RAB3B: variants seen among roughly 807,000 people sequenced by gnomAD.
RAB3B encodes the protein ras-related protein Rab-3B.
In RAB3B, 11 loss-of-function variants were observed where a neutral mutation model predicts 20.5. The observed-to-expected ratio is 0.54, with a 90% CI of 0.34 to 0.89. The LOEUF (loss-of-function observed/expected upper bound fraction) is 0.89, where lower values mean the gene tolerates loss of function less well. RAB3B is among the 40% of genes least tolerant of loss of function. The pLI, the probability that RAB3B is intolerant of heterozygous loss-of-function variation, is 0.02. For synonymous variants in RAB3B, 99 were observed against 106.3 expected (o/e 0.93, Z 0.42); for missense variants, 225 against 280.9 (o/e 0.80, Z 1.42).
At chr1:51,979,801 T>C (rs993188992) in intron 1 of RAB3B, among the ~76,000 whole-genome samples, 2 of 151,952 alleles carry the variant, frequency 1.3e-5, no homozygotes, top group Non-Finnish European at 2.9e-5. Flanking sequence ...CCCAGCACTT[T>C]GGGAGGCCGA....
intron 3 of RAB3B, 70 bp from the exon 4 acceptor site, chr1:51,933,512 A>G: frequency 6.9e-7 from 1 of 1,446,838 alleles, no homozygotes; most frequent in South Asian, 1.3e-5. Context: ...CCCACCTCCA[A>G]ATTTACATGT....
chr1:51,976,870 C>T lies in RAB3B; in HGVS notation c.228+20G>A. On this transcript the variant is annotated intron_variant, in intron 2 of 4. Transcript: ENST00000371655. ...CAGCCGCTTCTCAGGAAAATCCTGC[C>T]CAAGATTCCCGGGACTCACCCAGAT... 6.2e-7 allele frequency: 1 copy of T among 1,608,012 alleles called. No homozygotes were observed. Among genetic ancestry groups the T allele is most frequent in the South Asian group, 1.1e-5 (1 of 90,880 alleles).
At chr1:51,968,485 T>C (rs1684886022) in intron 2 of RAB3B, among the ~76,000 whole-genome samples, 1 of 152,238 alleles carries the variant, frequency 6.6e-6, no homozygotes, top group Admixed American at 6.5e-5. Context: ...CATTAATTCC[T>C]GGAGAGCAGG....
intron 1 of RAB3B, 73 bp from the exon 2 acceptor site, chr1:51,977,190 CACCCCA>C (rs979847129): frequency 1.8e-6 from 2 of 1,104,140 alleles, no homozygotes; most frequent in Admixed American, 1.8e-5. Flanking sequence ...TTCTAATGGT[CACCCCA>C]CCATTCACAC....
Position 51,917,383 on chromosome 1 carries a change from T to G in RAB3B, c.*2544A>C, listed in dbSNP as rs1265060065. Reference sequence around the variant, plus strand: ...AGATCATCCAAATAAGCTCCCTCATTTTATAAGTAGGAAATCAAGACTCAA... The same window carrying G: ...AGATCATCCAAATAAGCTCCCTCATGTTATAAGTAGGAAATCAAGACTCAA... On this transcript the variant is annotated 3_prime_UTR_variant, in exon 5 of 5. Coordinates refer to ENST00000371655, the MANE Select transcript of RAB3B (RefSeq NM_002867.4). The G allele has an allele frequency of 6.6e-6, 1 of 151,986 alleles. No individual in the cohort carries two copies. Among genetic ancestry groups the G allele is most frequent in the Non-Finnish European group, 1.5e-5 (1 of 67,994 alleles). 9.4% of individuals were successfully genotyped at this position (151,986 alleles called of 1,614,324 possible).
At chr1:51,968,406 C>T (rs1457495445) in intron 2 of RAB3B, among the ~76,000 whole-genome samples, 1 of 152,198 alleles carries the variant, frequency 6.6e-6, no homozygotes, top group Non-Finnish European at 1.5e-5. Flanking sequence ...TCTTGATATC[C>T]TATTCTTCTT....
intron 1 of RAB3B, among the ~76,000 whole-genome samples, chr1:51,989,208 T>TTGTGTGTCTGTG (rs1553232395): frequency 6.0e-5 from 6 of 99,822 alleles, no homozygotes; most frequent in African/African-American, 2.6e-4. Context: ...CCATCTTGTT[T>TTGTGTGTCTGTG]TGTGTGTGTG....
intron 2 of RAB3B, among the ~76,000 whole-genome samples, chr1:51,968,209 C>T (rs1290223406): frequency 6.6e-6 from 1 of 152,136 alleles, no homozygotes; most frequent in Admixed American, 6.5e-5. Context: ...GATTTTAACC[C>T]AGTGAGACCC....
chr1:51,927,808 A>C (rs1220676581), intron 4 of RAB3B, among the ~76,000 whole-genome samples: 2 of 152,116 alleles, frequency 1.3e-5, no homozygotes, highest in Admixed American at 6.5e-5. Flanking sequence ...GCCTCAAAAC[A>C]AAATAAAACA....
At chr1:51,956,935 A>C (rs1684715009) in intron 2 of RAB3B, among the ~76,000 whole-genome samples, 1 of 152,246 alleles carries the variant, frequency 6.6e-6, no homozygotes, top group Admixed American at 6.5e-5. Flanking sequence ...CAGAAAGTCA[A>C]ACTTCACAGC....
intron 3 of RAB3B, 137 bp from the exon 4 acceptor site, chr1:51,933,579 A>G: frequency 2.6e-6 from 2 of 759,036 alleles, no homozygotes; most frequent in Non-Finnish European, 4.2e-6. Flanking sequence ...GGATGTAATT[A>G]TGTCAATGAG....
At chr1:51,942,290 A>G (rs548415606) in intron 2 of RAB3B, among the ~76,000 whole-genome samples, 1 of 152,346 alleles carries the variant, frequency 6.6e-6, no homozygotes, top group Admixed American at 6.5e-5. Context: ...CCTGGAGCCT[A>G]GCCCTGTGCC....
chr1:51,969,278 C>A (rs1193422007), intron 2 of RAB3B, among the ~76,000 whole-genome samples: 1 of 152,120 alleles, frequency 6.6e-6, no homozygotes, highest in Non-Finnish European at 1.5e-5. Flanking sequence ...GCCTCGGACA[C>A]CCTGTCTCAA....
chr1:51,925,169 C>G (rs549408776), intron 4 of RAB3B, among the ~76,000 whole-genome samples: 118 of 152,328 alleles, frequency 7.7e-4, no homozygotes, highest in African/African-American at 2.8e-3. Flanking sequence ...TGCTCCAGAA[C>G]ATGTCTCCTC....
chr1:51,943,220 C>T (rs940109738), intron 2 of RAB3B, among the ~76,000 whole-genome samples: 2 of 152,068 alleles, frequency 1.3e-5, no homozygotes, highest in Admixed American at 1.3e-4. Flanking sequence ...CCTGTCTCTA[C>T]TAAAAATACA....
intron 2 of RAB3B, among the ~76,000 whole-genome samples, chr1:51,963,461 G>T (rs1247298959): frequency 6.6e-6 from 1 of 152,120 alleles, no homozygotes; most frequent in Admixed American, 6.5e-5. Context: ...CCTATTCTAT[G>T]CCTTTATCCT....
rs1684125937 is a variant in RAB3B at position 51,918,957 on chromosome 1, G to A, written c.*970C>T. The A allele has an allele frequency of 6.6e-6, 1 of 151,564 alleles. No homozygotes were observed. The highest frequency in any genetic ancestry group is 2.1e-4 in the South Asian group (1 of 4,810). 9.4% of individuals were successfully genotyped at this position (151,564 alleles called of 1,614,324 possible). On this transcript the variant is annotated 3_prime_UTR_variant, in exon 5 of 5. Transcript: ENST00000371655. ...CAGGAACCTCTGACATTTTGTAGGG[G>A]ATAATCCTTTTCTCTTTTTTTTTTT...
chr1:51,912,554 A>AAAAAAAATAT lies in RAB3B; in HGVS notation c.*7372_*7373insATATTTTTTT, dbSNP rs1491223921. The stretch of plus-strand genomic sequence containing the variant: ...AGACCGTCTCTATTAAAAAAAAAAA[A>AAAAAAAATAT]ATATATATATATATATATATATATA... On this transcript the variant is annotated 3_prime_UTR_variant, in exon 5 of 5. Coordinates refer to ENST00000371655, the MANE Select transcript of RAB3B (RefSeq NM_002867.4). The AAAAAAAATAT allele has an allele frequency of 1.9e-4, 3 of 15,500 alleles. No homozygotes were observed. Among genetic ancestry groups the AAAAAAAATAT allele is most frequent in the Admixed American group, 8.3e-4 (1 of 1,200 alleles). The allele number at this position is 15,500 out of a possible 1,614,324, so 1.0% of individuals were successfully genotyped here.
At chr1:51,927,440 G>T (rs748867916) in intron 4 of RAB3B, among the ~76,000 whole-genome samples, 2 of 152,198 alleles carry the variant, frequency 1.3e-5, no homozygotes, top group African/African-American at 2.4e-5. Context: ...TAGTCTGGGC[G>T]TGCTTTTCCC....
Sources: gnomAD v4.1 joint callset for allele counts (sites outside exome capture counted in the v4.1 genomes callset) on GRCh38, gnomAD v4.1.1 for gene constraint, MANE v1.5 for transcripts, NCBI Gene and HGNC (gene_info 2026-07-23, HGNC 2026-07-21) for gene names.